JAK1: variants seen among roughly 807,000 people sequenced by gnomAD.
JAK1 encodes Janus kinase 1.
Under a neutral mutation model 136.6 loss-of-function variants are expected in JAK1, and 16 were observed. That is an observed-to-expected ratio of 0.12 (90% confidence interval 0.08 to 0.18). The LOEUF (loss-of-function observed/expected upper bound fraction) is 0.18. JAK1 is among the 10% of genes least tolerant of loss of function. The pLI, the probability that JAK1 is intolerant of heterozygous loss-of-function variation, is 1.00. For synonymous variants in JAK1, 492 were observed against 519.5 expected, an observed-to-expected ratio of 0.95 and a Z score of 0.72; for missense variants, 859 against 1,450.1, an observed-to-expected ratio of 0.59 and a Z score of 6.62.
At chr1:64,986,818 G>A (rs1431358128) in intron 2 of JAK1, among the ~76,000 whole-genome samples, 2 of 152,060 alleles carry the variant, frequency 1.3e-5, no homozygotes, top group Non-Finnish European at 2.9e-5. Flanking sequence ...GCTGCAGTGA[G>A]CCATGATTGT....
intron 2 of JAK1, among the ~76,000 whole-genome samples, chr1:65,040,394 T>A (rs577108176): frequency 6.6e-6 from 1 of 152,236 alleles, no homozygotes; most frequent in Admixed American, 6.5e-5. Flanking sequence ...GCTTCTGTCA[T>A]CACATCTTCT....
intron 4 of JAK1, among the ~76,000 whole-genome samples, chr1:64,874,638 C>T (rs182911074): frequency 6.6e-6 from 1 of 152,138 alleles, no homozygotes; most frequent in African/African-American, 2.4e-5. Flanking sequence ...AGTGACTGAG[C>T]CAAGCCAGCC....
intron 1 of JAK1, among the ~76,000 whole-genome samples, chr1:64,951,649 C>CTTTTTT (rs71056071): frequency 1.3e-5 from 1 of 76,960 alleles, no homozygotes; most frequent in African/African-American, 5.1e-5. Flanking sequence ...CAAGTTCTGC[C>CTTTTTT]TTTTTTTTTT....
rs72032330 is a variant in JAK1 at position 64,860,826 on chromosome 1, C to CTGTGTGTGTGTG, written c.1177-576_1177-565dup. ...TATTATCTCAAACTATCAGATGACTCTGTGTGTGTGTGTGTGTGTGTGTGT... is the reference window on the plus strand; with the variant it reads ...TATTATCTCAAACTATCAGATGACTCTGTGTGTGTGTGTGTGTGTGTGTGTGTGTGTGTGTGT... On this transcript the variant is annotated intron_variant, in intron 8 of 24. Coordinates refer to ENST00000342505, the MANE Select transcript of JAK1 (RefSeq NM_002227.4). Among the ~76,000 whole-genome samples, 491 of 120,372 alleles carry CTGTGTGTGTGTG rather than the reference C, an allele frequency of 4.1e-3. 17 individuals are homozygous for CTGTGTGTGTGTG. The highest frequency in any genetic ancestry group is 6.3e-3 in the Non-Finnish European group (341 of 54,500). The allele number at this position is 120,372 out of a possible 152,430, so 79.0% of individuals were successfully genotyped here. A position where few individuals can be genotyped will look rare whatever the true frequency, so the allele number is the denominator to read the frequency against.
intron 1 of JAK1, among the ~76,000 whole-genome samples, chr1:65,046,503 G>A (rs76690004): frequency 6.6e-6 from 1 of 152,042 alleles, no homozygotes; most frequent in Admixed American, 6.6e-5. Flanking sequence ...TCAGACCAAC[G>A]TTTGGAAGTT....
intron 1 of JAK1, among the ~76,000 whole-genome samples, chr1:64,936,179 G>C (rs573540564): frequency 6.6e-6 from 1 of 152,182 alleles, no homozygotes; most frequent in Non-Finnish European, 1.5e-5. Context: ...ACAGAGGAGA[G>C]GTGGAAGTTT....
At chr1:64,946,825 A>C (rs1645996788) in intron 1 of JAK1, among the ~76,000 whole-genome samples, 1 of 152,244 alleles carries the variant, frequency 6.6e-6, no homozygotes, top group African/African-American at 2.4e-5. Context: ...GCATCCAACA[A>C]CATAGATGGA....
intron 2 of JAK1, among the ~76,000 whole-genome samples, chr1:65,044,335 G>T (rs1056947136): frequency 1.3e-5 from 2 of 152,140 alleles, no homozygotes; most frequent in African/African-American, 4.8e-5. Context: ...TGAGCTTTAG[G>T]TCAGATGTTT....
At chr1:65,044,155 C>T (rs575555474) in intron 2 of JAK1, among the ~76,000 whole-genome samples, 6 of 152,132 alleles carry the variant, frequency 3.9e-5, no homozygotes, top group Non-Finnish European at 5.9e-5. Context: ...CTGTGCCCAG[C>T]CCTATTTACG....
rs562703667 is a variant in JAK1, at chr1:65,061,007, T to C, written c.-181+6597A>G. Among the ~76,000 whole-genome samples the C allele has an allele frequency of 5.5e-4, 83 of 152,260 alleles. 2 individuals carry two copies. The South Asian group carries it at 0.016, about 30-fold the overall frequency. ...GGACCCAAACTGATTTTAAACTACT[T>C]CTTCTATGTTAAAAATGATACAACT... is the stretch of plus-strand genomic sequence containing the variant. On this transcript the variant is annotated intron_variant, in intron 1 of 25. Transcript: ENST00000671954.
At chr1:65,052,861 CAAAAAAAA>C (rs35560095) in intron 1 of JAK1, among the ~76,000 whole-genome samples, 9 of 88,676 alleles carry the variant, frequency 1.0e-4, no homozygotes, top group Non-Finnish European at 2.0e-5. Flanking sequence ...GACTCCATCT[CAAAAAAAA>C]AAAAAAAAAA....
At chr1:64,979,653 T>C (rs924438785) in intron 2 of JAK1, 6 of 152,224 alleles carry the variant, frequency 3.9e-5, no homozygotes, top group Non-Finnish European at 7.3e-5. Context: ...ATCAGCTACA[T>C]GTATAGGGTA....
intron 14 of JAK1, 47 bp from the exon 15 acceptor site, chr1:64,845,687 GTCCTCTCC>G (rs758790347): frequency 6.2e-7 from 1 of 1,612,102 alleles, no homozygotes; most frequent in Admixed American, 1.7e-5. Flanking sequence ...CTGTGGCACG[GTCCTCTCC>G]TTCATCCCCT....
chr1:65,031,688 T>G (rs1306408330), intron 2 of JAK1, among the ~76,000 whole-genome samples: 2 of 152,180 alleles, frequency 1.3e-5, no homozygotes, highest in East Asian at 3.8e-4. Flanking sequence ...ATGTCCTTTT[T>G]TTCAGCAAAT....
intron 1 of JAK1, among the ~76,000 whole-genome samples, chr1:65,056,762 C>T (rs1173243275): frequency 1.3e-5 from 2 of 151,620 alleles, no homozygotes; most frequent in African/African-American, 2.4e-5. Flanking sequence ...CCATCTCTAC[C>T]AAAAATACAA....
chr1:64,985,359 C>T (rs1317049498), intron 2 of JAK1: 19 of 1,610,100 alleles, frequency 1.2e-5, no homozygotes, highest in East Asian at 2.2e-5. Context: ...CATCCTTGCA[C>T]TCTCATCTTT....
intron 1 of JAK1, among the ~76,000 whole-genome samples, chr1:64,955,842 AG>A (rs143322411): frequency 0.02 from 3,007 of 152,256 alleles, 116 homozygotes; most frequent in African/African-American, 0.069. Context: ...GAGCCCTGAA[AG>A]GGCCTAGGGA....
At position 65,058,349 on chromosome 1, in the gene JAK1, G is replaced by A. The variant is rs1036489183; in HGVS notation, c.-181+9255C>T. 7 of 530,964 alleles carry A rather than the reference G, an allele frequency of 1.3e-5. No homozygotes were observed. The Admixed American group carries it at 1.4e-4, about 10-fold the overall frequency. The allele number at this position is 530,964 out of a possible 1,614,324, so 32.9% of individuals were successfully genotyped here. ...GAGGTGCAGGGTAAGAGGGTTTCTGGGTCCCAGCCACCTGTTTCACATTCC... is the reference window on the plus strand; with the variant it reads ...GAGGTGCAGGGTAAGAGGGTTTCTGAGTCCCAGCCACCTGTTTCACATTCC... On this transcript the variant is annotated intron_variant, in intron 1 of 25. Coordinates refer to the JAK1 transcript ENST00000671954.
upstream of JAK1, among the ~76,000 whole-genome samples, chr1:64,966,889 GCT>G (rs1159334637): frequency 6.6e-6 from 1 of 151,950 alleles, no homozygotes; most frequent in Non-Finnish European, 1.5e-5. Context: ...ACCTTTGTGC[GCT>G]CGATGCAGAA....
Sources: gnomAD v4.1 joint callset for allele counts (sites outside exome capture counted in the v4.1 genomes callset) on GRCh38, gnomAD v4.1.1 for gene constraint, MANE v1.5 for transcripts, NCBI Gene and HGNC (gene_info 2026-07-23, HGNC 2026-07-21) for gene names.